ACTR2: variants seen among roughly 807,000 people sequenced by gnomAD.
ACTR2 encodes actin-related protein 2.
A neutral mutation model predicts 50.2 loss-of-function variants in ACTR2; 5 were observed. The observed-to-expected ratio is 0.10, with a 90% CI of 0.05 to 0.21. The LOEUF is 0.21. ACTR2 is among the 10% of genes least tolerant of loss of function. The pLI is 1.00. For missense variants in ACTR2, 180 were observed against 480.6 expected (o/e 0.37, Z 5.85); for synonymous variants, 140 against 162.9 (o/e 0.86, Z 1.07).
intron 7 of ACTR2, among the ~76,000 whole-genome samples, chr2:65,264,019 C>T (rs1243899476): frequency 6.6e-6 from 1 of 152,122 alleles, no homozygotes. Context: ...CGCACCACTG[C>T]TCTCCAGCCT....
rs1260848061 is a variant in ACTR2 at position 65,255,670 on chromosome 2, C to T, written c.711C>T (p.Thr237=). ...IEQEQKLALE[T]TVLVESYTLP... ...AAGAGCAGAAACTGGCCTTAGAAAC[C>T]ACAGTATTAGTTGAATCTTATACAG... Residue 237 remains threonine, a synonymous_variant, in exon 6 of 9, where the codon ACC becomes ACT. Transcript: ENST00000260641. 1 of 1,613,692 alleles carries T rather than the reference C, an allele frequency of 6.2e-7. No homozygotes were observed. The highest frequency in any genetic ancestry group is 1.7e-5 in the Admixed American group (1 of 60,004).
intron 6 of ACTR2, among the ~76,000 whole-genome samples, chr2:65,259,799 A>G (rs944194897): frequency 1.3e-5 from 2 of 152,188 alleles, no homozygotes; most frequent in African/African-American, 4.8e-5. Flanking sequence ...TCTCATGGAA[A>G]TGTGTCAAAT....
chr2:65,259,497 G>T (rs1356264043), intron 6 of ACTR2, among the ~76,000 whole-genome samples: 1 of 152,178 alleles, frequency 6.6e-6, no homozygotes, highest in African/African-American at 2.4e-5. Flanking sequence ...GGGAGGCCAA[G>T]CCAGGCAGAT....
intron 1 of ACTR2, among the ~76,000 whole-genome samples, chr2:65,233,830 C>T (rs922732401): frequency 4.6e-5 from 7 of 152,046 alleles, no homozygotes; most frequent in African/African-American, 7.2e-5. Context: ...AGGCTGGTTT[C>T]GAACTCCTGA....
rs1672137122 is a variant in ACTR2 at position 65,255,712 on chromosome 2, A to G, written c.735+18A>G. 1 of 1,606,192 alleles carries G rather than the reference A, an allele frequency of 6.2e-7. No homozygotes were observed. Among genetic ancestry groups the G allele is most frequent in the Non-Finnish European group, 8.5e-7 (1 of 1,174,634 alleles). ...CTTATACAGTAAGTGTTTCCAGTGT[A>G]TAATATATATGTGTTTTAAAGTGGA... On this transcript the variant is annotated intron_variant, in intron 6 of 8. Coordinates refer to ENST00000260641, the MANE Select transcript of ACTR2 (RefSeq NM_005722.4).
chr2:65,240,935 C>G (rs1671830469), intron 2 of ACTR2, among the ~76,000 whole-genome samples: 1 of 151,122 alleles, frequency 6.6e-6, no homozygotes, highest in Non-Finnish European at 1.5e-5. Flanking sequence ...TAGCCTTCTG[C>G]TTTTGGGATA....
At chr2:65,245,597 A>G (rs567554349) in intron 2 of ACTR2, among the ~76,000 whole-genome samples, 3 of 152,310 alleles carry the variant, frequency 2.0e-5, no homozygotes, top group African/African-American at 7.2e-5. Context: ...ATTGTAGCAA[A>G]TATCTACTTC....
intron 6 of ACTR2, among the ~76,000 whole-genome samples, chr2:65,257,417 C>T (rs1000466409): frequency 2.3e-4 from 35 of 151,640 alleles, no homozygotes; most frequent in African/African-American, 8.2e-4. Flanking sequence ...CATATGTGTG[C>T]ATGTGTCTTT....
At chr2:65,231,151 T>A (rs1671630333) in intron 1 of ACTR2, among the ~76,000 whole-genome samples, 1 of 152,200 alleles carries the variant, frequency 6.6e-6, no homozygotes, top group Non-Finnish European at 1.5e-5. Context: ...TCAATTCCTG[T>A]CATAAATGAA....
chr2:65,253,486 A>T (rs17703416), intron 4 of ACTR2, among the ~76,000 whole-genome samples: 1 of 151,782 alleles, frequency 6.6e-6, no homozygotes, highest in East Asian at 1.9e-4. Flanking sequence ...TTCAGTCCTC[A>T]GTCTCAGGGT....
intron 1 of ACTR2, among the ~76,000 whole-genome samples, chr2:65,233,023 C>G (rs1307674081): frequency 2.0e-5 from 3 of 146,426 alleles, no homozygotes; most frequent in Admixed American, 1.4e-4. Context: ...TAGACAGAGT[C>G]TTGCTCCGTT....
At chr2:65,228,032 C>T (rs1353275605) in intron 1 of ACTR2, 75 bp downstream of exon 1, 5 of 1,378,116 alleles carry the variant, frequency 3.6e-6, no homozygotes, top group Non-Finnish European at 4.8e-6. Flanking sequence ...GGGCCCTCGG[C>T]CCCCAGGGCT....
chr2:65,258,421 T>C (rs1672194607), intron 6 of ACTR2, among the ~76,000 whole-genome samples: 1 of 151,410 alleles, frequency 6.6e-6, no homozygotes, highest in African/African-American at 2.4e-5. Context: ...ACAAAAAAAA[T>C]ACAAAAATTT....
chr2:65,241,515 T>A (rs973084786), intron 2 of ACTR2, among the ~76,000 whole-genome samples: 1 of 152,186 alleles, frequency 6.6e-6, no homozygotes, highest in African/African-American at 2.4e-5. Context: ...TTCTATTGGC[T>A]CAATTCTGTT....
chr2:65,263,351 TG>T (rs1199849164), intron 7 of ACTR2, among the ~76,000 whole-genome samples: 1 of 151,890 alleles, frequency 6.6e-6, no homozygotes, highest in East Asian at 1.9e-4. Flanking sequence ...ATTTGTCTAT[TG>T]CTCTTAGTGT....
chr2:65,228,241 C>T (rs1671567392), intron 1 of ACTR2: 1 of 359,830 alleles, frequency 2.8e-6, no homozygotes, highest in Non-Finnish European at 5.0e-6. Context: ...CAGGGACCTG[C>T]TCCGCGCTAA....
At chr2:65,267,548 A>C (rs1307004316) in intron 8 of ACTR2, among the ~76,000 whole-genome samples, 1 of 152,156 alleles carries the variant, frequency 6.6e-6, no homozygotes, top group Non-Finnish European at 1.5e-5. Context: ...TTGCTATGTC[A>C]TTTTAAGGTT....
Position 65,229,087 on chromosome 2 carries a change from A to T in ACTR2, c.48+1130A>T, listed in dbSNP as rs78867044. Among the ~76,000 whole-genome samples the T allele has an allele frequency of 3.4e-5, 5 of 147,094 alleles. No homozygotes were observed. In the South Asian group the frequency reaches 1.1e-3, roughly 31 times the overall value. ...AAGAGTGAAACTCCGTCTCAATTAT[A>T]AAAAAAAAAAATTGTTTCATTCAGA... On this transcript the variant is annotated intron_variant, in intron 1 of 8. Coordinates refer to ENST00000260641, the MANE Select transcript of ACTR2 (RefSeq NM_005722.4).
chr2:65,268,045 G>C (rs908751207), intron 8 of ACTR2, among the ~76,000 whole-genome samples: 2 of 151,646 alleles, frequency 1.3e-5, no homozygotes, highest in Non-Finnish European at 2.9e-5. Context: ...CACTGTGTTA[G>C]CCAGGATGGT....
Sources: allele counts gnomAD v4.1 joint callset (sites outside exome capture counted in the v4.1 genomes callset), GRCh38; gene constraint gnomAD v4.1.1; transcripts MANE v1.5; gene names NCBI Gene and HGNC (gene_info 2026-07-23, HGNC 2026-07-21).